Variants in GPR107 observed in about 807,000 individuals in gnomAD.
GPR107 encodes the protein protein GPR107.
In GPR107, 31 loss-of-function variants were observed where a neutral mutation model predicts 75.5. That is an observed-to-expected ratio of 0.41 (90% confidence interval 0.31 to 0.55). GPR107 has a LOEUF of 0.55. Among genes scored for constraint, GPR107 ranks in the 20% least tolerant of loss-of-function variants. The probability of loss-of-function intolerance (pLI) is 0.26; values close to 1 mark genes in which losing one functional copy is unlikely to be tolerated. For missense variants in GPR107, 572 were observed against 665.7 expected (o/e 0.86, Z 1.55); for synonymous variants, 267 against 251.3 (o/e 1.06, Z -0.59).
chr9:130,085,754 A>ATTTTTTTGTTTTTTTTTTTTTTTTTTT (rs1830598574), intron 6 of GPR107, among the ~76,000 whole-genome samples: 4 of 78,672 alleles, frequency 5.1e-5, no homozygotes, highest in Admixed American at 1.7e-4. Flanking sequence ...CAATATTTTG[A>ATTTTTTTGTTTTTTTTTTTTTTTTTTT]TTTTTTTTTT....
Position 130,135,189 on chromosome 9 carries a change from C to G in GPR107, c.*68C>G. 3.8e-6 allele frequency: 3 copies of G among 789,302 alleles called. No individual in the cohort carries two copies. The highest frequency in any genetic ancestry group is 2.5e-5 in the Admixed American group (1 of 40,302). The allele number at this position is 789,302 out of a possible 1,614,324, so 48.9% of individuals were successfully genotyped here. On this transcript the variant is annotated 3_prime_UTR_variant, in exon 18 of 18. Coordinates refer to ENST00000347136, the MANE Select transcript of GPR107 (RefSeq NM_020960.5). The stretch of plus-strand genomic sequence containing the variant: ...ACTTATTCATAGTCCTATTGGACAG[C>G]AGGAGCAGCTCCTACAGTGAACTAT...
At chr9:130,111,922 G>T (rs948520590) in intron 14 of GPR107, among the ~76,000 whole-genome samples, 8 of 152,108 alleles carry the variant, frequency 5.3e-5, no homozygotes, top group Non-Finnish European at 8.8e-5. Flanking sequence ...CAGCTGCACT[G>T]CATCCTCCGA....
intron 14 of GPR107, among the ~76,000 whole-genome samples, chr9:130,123,569 G>C (rs1415351064): frequency 8.5e-6 from 1 of 118,334 alleles, no homozygotes; most frequent in East Asian, 2.3e-4. Flanking sequence ...GGGTTCTACT[G>C]TGTTGCCCAG....
Position 130,137,312 on chromosome 9 carries a change from A to C in GPR107, c.*2191A>C, listed in dbSNP as rs1554900118. 6.6e-6 allele frequency: 1 copy of C among 152,362 alleles called. No individual in the cohort carries two copies. The highest frequency in any genetic ancestry group is 2.4e-5 in the African/African-American group (1 of 41,470). 9.4% of individuals were successfully genotyped at this position (152,362 alleles called of 1,614,324 possible). On this transcript the variant is annotated 3_prime_UTR_variant, in exon 18 of 18. Coordinates refer to ENST00000347136, the MANE Select transcript of GPR107 (RefSeq NM_020960.5). ...GACAAGCGCTGGAGCCGCAGCCCTCAGACTGGCACGGGAACGCCAGCGTTG... is the reference window on the plus strand; with the variant it reads ...GACAAGCGCTGGAGCCGCAGCCCTCCGACTGGCACGGGAACGCCAGCGTTG...
chr9:130,103,400 T>C lies in GPR107; in HGVS notation c.1132-1020T>C, dbSNP rs1262021986. On this transcript the variant is annotated intron_variant, in intron 12 of 17. Coordinates refer to ENST00000347136, the MANE Select transcript of GPR107 (RefSeq NM_020960.5). The surrounding 1 kb of genome is among the most constrained non-coding windows in gnomAD (Gnocchi z 4.3). The stretch of plus-strand genomic sequence containing the variant: ...GACCAGGGACTTCTCATGGGGTATA[T>C]AGGTGGAATGATAACCTCTGCATCC... 6.6e-6 allele frequency among the ~76,000 whole-genome samples: 1 copy of C among 152,144 alleles called. No individual in the cohort carries two copies. The highest frequency in any genetic ancestry group is 1.5e-5 in the Non-Finnish European group (1 of 68,024).
chr9:130,075,730 C>T lies in GPR107; in HGVS notation c.236C>T (p.Pro79Leu). The T allele has an allele frequency of 6.4e-7, 1 of 1,571,394 alleles. No homozygotes were observed. Among genetic ancestry groups the T allele is most frequent in the South Asian group, 1.1e-5 (1 of 90,256 alleles). The change falls in exon 2 of 18, where the codon CCT becomes CTT. Residue 79 changes from proline to leucine, a missense_variant. Pro to Leu is a moderately conservative substitution (Grantham distance 98). Coordinates refer to ENST00000347136, the MANE Select transcript of GPR107 (RefSeq NM_020960.5). ...VNVSSLSLNE[P>L]EDKDVTIGFS... Reference sequence around the variant, plus strand: ...GTCAGTAGCCTCTCACTGAATGAGCCTGAAGACAAGGATGTGACTGTAAGT... The same window carrying T: ...GTCAGTAGCCTCTCACTGAATGAGCTTGAAGACAAGGATGTGACTGTAAGT...
At chr9:130,071,754 G>A (rs928473621) in intron 1 of GPR107, among the ~76,000 whole-genome samples, 3 of 151,910 alleles carry the variant, frequency 2.0e-5, no homozygotes, top group Non-Finnish European at 2.9e-5. Flanking sequence ...TGCAATCTCC[G>A]CTTACTGCAA....
chr9:130,067,123 C>A (rs1589483947), intron 1 of GPR107, among the ~76,000 whole-genome samples: 1 of 152,156 alleles, frequency 6.6e-6, no homozygotes, highest in Non-Finnish European at 1.5e-5. Flanking sequence ...CCTTTTAAAT[C>A]TTTCTTCCCT....
chr9:130,110,580 T>C (rs1419352952), intron 14 of GPR107, among the ~76,000 whole-genome samples: 1 of 152,194 alleles, frequency 6.6e-6, no homozygotes, highest in Non-Finnish European at 1.5e-5. Flanking sequence ...CCTGAATTGA[T>C]TGAGGCTGTG....
chr9:130,075,437 G>A (rs999271443), intron 1 of GPR107, among the ~76,000 whole-genome samples, 199 bp from the exon 2 acceptor site: 1 of 151,768 alleles, frequency 6.6e-6, no homozygotes, highest in South Asian at 2.1e-4. Flanking sequence ...GTAGAGACAG[G>A]GTTTCGCCAT....
Position 130,099,441 on chromosome 9 carries a change from C to G in GPR107, c.864-16C>G, listed in dbSNP as rs1830960509. The G allele has an allele frequency of 3.4e-6, 5 of 1,462,896 alleles. No homozygotes were observed. Among genetic ancestry groups the G allele is most frequent in the Non-Finnish European group, 3.8e-6 (4 of 1,043,208 alleles). 90.6% of individuals were successfully genotyped at this position (1,462,896 alleles called of 1,614,324 possible). A position where few individuals can be genotyped will look rare whatever the true frequency, so the allele number is the denominator to read the frequency against. On this transcript the variant is annotated splice_polypyrimidine_tract_variant and intron_variant, in intron 9 of 17. Coordinates refer to ENST00000347136, the MANE Select transcript of GPR107 (RefSeq NM_020960.5). ...AATGGAATCTTCCTTTAATTGTTTT[C>G]TCTCTGTTTTTATAGGAATGATGTA...
At chr9:130,082,406 TTTTC>T (rs1159814713) in intron 5 of GPR107, among the ~76,000 whole-genome samples, 1 of 152,152 alleles carries the variant, frequency 6.6e-6, no homozygotes, top group Non-Finnish European at 1.5e-5. Context: ...GAAAATATTC[TTTTC>T]TTTCTCTTTA....
intron 14 of GPR107, among the ~76,000 whole-genome samples, chr9:130,123,265 C>T (rs928064972): frequency 7.9e-5 from 12 of 151,998 alleles, no homozygotes; most frequent in Non-Finnish European, 1.5e-4. Context: ...AGGGCAGTAG[C>T]GTGATCTCGG....
rs1398493839 is a variant in GPR107 at position 130,139,921 on chromosome 9, T to C, written c.*4800T>C. On this transcript the variant is annotated 3_prime_UTR_variant, in exon 18 of 18. Transcript: ENST00000347136. Reference sequence around the variant, plus strand: ...GTGACCTCAAAAGAAGTCAGACATATTTAATCCAGAAATAGTTTCGTTTGA... The same window carrying C: ...GTGACCTCAAAAGAAGTCAGACATACTTAATCCAGAAATAGTTTCGTTTGA... 6.6e-6 allele frequency: 1 copy of C among 152,210 alleles called. No individual in the cohort carries two copies. The highest frequency in any genetic ancestry group is 1.5e-5 in the Non-Finnish European group (1 of 68,044). The allele number at this position is 152,210 out of a possible 1,614,324, so 9.4% of individuals were successfully genotyped here. A position where few individuals can be genotyped will look rare whatever the true frequency, so the allele number is the denominator to read the frequency against.
chr9:130,090,895 C>T lies in GPR107; in HGVS notation c.641C>T (p.Thr214Ile). Residue 214 changes from threonine to isoleucine, a missense_variant, in exon 8 of 18, where the codon ACT (threonine) becomes ATT (isoleucine). Coordinates refer to ENST00000347136, the MANE Select transcript of GPR107 (RefSeq NM_020960.5). ...VSFQFFFNIS[T>I]DDQEGLYSLY... ...TTTCAGTTTTTCTTTAACATCAGCACTGATGACCAAGAAGGCCTTTACAGT... is the reference window on the plus strand; with the variant it reads ...TTTCAGTTTTTCTTTAACATCAGCATTGATGACCAAGAAGGCCTTTACAGT... 1 of 1,452,890 alleles carries T rather than the reference C, an allele frequency of 6.9e-7. No individual in the cohort carries two copies. Among genetic ancestry groups the T allele is most frequent in the Non-Finnish European group, 9.7e-7 (1 of 1,034,592 alleles). 90.0% of individuals were successfully genotyped at this position (1,452,890 alleles called of 1,614,324 possible).
At chr9:130,063,924 C>T (rs1433720805) in intron 1 of GPR107, among the ~76,000 whole-genome samples, 1 of 151,600 alleles carries the variant, frequency 6.6e-6, no homozygotes, top group Non-Finnish European at 1.5e-5. Flanking sequence ...CTTGCCTCAG[C>T]CTCCCAAGTA....
chr9:130,103,658 T>C lies in GPR107; in HGVS notation c.1132-762T>C, dbSNP rs774183347. 7.9e-5 allele frequency among the ~76,000 whole-genome samples: 12 copies of C among 152,200 alleles called. No individual in the cohort carries two copies. Among genetic ancestry groups the C allele is most frequent in the Non-Finnish European group, 1.6e-4 (11 of 68,040 alleles). On this transcript the variant is annotated intron_variant, in intron 12 of 17. Coordinates refer to ENST00000347136, the MANE Select transcript of GPR107 (RefSeq NM_020960.5). The surrounding 1 kb of genome is among the most constrained non-coding windows in gnomAD (Gnocchi z 4.3). ...AAAACACAGTTCCATTGTCTGGCAC[T>C]TAGATGAGTTATTGTCACTGAGCAC...
At chr9:130,055,352 C>G (rs969225250) in intron 1 of GPR107, among the ~76,000 whole-genome samples, 7 of 151,814 alleles carry the variant, frequency 4.6e-5, no homozygotes, top group African/African-American at 1.7e-4. Flanking sequence ...GCCTGCAGTC[C>G]CAGCTACTCG....
rs1303164044 is a variant in GPR107 at position 130,053,932 on chromosome 9, C to T, written c.-1C>T. 1.9e-6 allele frequency: 3 copies of T among 1,557,700 alleles called. No homozygotes were observed. Among genetic ancestry groups the T allele is most frequent in the Non-Finnish European group, 2.6e-6 (3 of 1,152,644 alleles). ...AAGCGGCTGGTGATGCTGGAACAAA[C>T]ATGGCCGCTCTGGCGCCCGTCGGCT... On this transcript the variant is annotated 5_prime_UTR_variant, in exon 1 of 18. Transcript: ENST00000347136.
Sources: gnomAD v4.1 joint callset for allele counts (sites outside exome capture counted in the v4.1 genomes callset) on GRCh38, gnomAD v4.1.1 for gene constraint, Gnocchi (gnomAD v3.1) non-coding constraint, MANE v1.5 for transcripts, NCBI Gene and HGNC (gene_info 2026-07-23, HGNC 2026-07-21) for gene names.